BNC2: variants seen among roughly 807,000 people sequenced by gnomAD.
BNC2 encodes the protein zinc finger protein basonuclin-2.
In BNC2, 20 loss-of-function variants were observed where a neutral mutation model predicts 76.3. The ratio of observed to expected loss-of-function variants is 0.26; its 90% confidence interval spans 0.18 to 0.38. BNC2 has a LOEUF of 0.38. Among genes scored for constraint, BNC2 ranks in the 10% least tolerant of loss-of-function variants. The probability of loss-of-function intolerance (pLI) is 1.00; values close to 1 mark genes in which losing one functional copy is unlikely to be tolerated. For missense variants in BNC2, 1,382 were observed against 1,399.8 expected (o/e 0.99, Z 0.20); for synonymous variants, 582 against 514.8 (o/e 1.13, Z -1.77).
At chr9:16,434,901 C>A (rs1206641070) in intron 6 of BNC2, 1 of 465,008 alleles carries the variant, frequency 2.2e-6, no homozygotes, top group African/African-American at 2.0e-5. Flanking sequence ...ATAAAGAAAC[C>A]CACACGACCA....
At chr9:16,618,960 T>C (rs1215203851) in intron 3 of BNC2, among the ~76,000 whole-genome samples, 2 of 152,184 alleles carry the variant, frequency 1.3e-5, no homozygotes, top group African/African-American at 4.8e-5. Flanking sequence ...GGAACAACTT[T>C]AGCTAAGTCA....
intron 5 of BNC2, among the ~76,000 whole-genome samples, chr9:16,510,900 A>G (rs187195201): frequency 3.9e-5 from 6 of 152,290 alleles, no homozygotes; most frequent in Admixed American, 3.3e-4. Context: ...TGGGCAAAAT[A>G]TTACATTTCC....
chr9:16,436,334 G>GCTC lies in BNC2; in HGVS notation c.1859_1860insGAG (p.Thr620_His621insSer). 1 of 1,614,126 alleles carries GCTC rather than the reference G, an allele frequency of 6.2e-7. No individual in the cohort carries two copies. The highest frequency in any genetic ancestry group is 8.5e-7 in the Non-Finnish European group (1 of 1,180,022). ...GTGCCAGGTCAGCACTGGGCTCATG[G>GCTC]GTGGCCATCATCACTGCTGGCACTA... On this transcript the variant is annotated inframe_insertion, in exon 6 of 7. Transcript: ENST00000380672.
At chr9:16,465,981 G>C (rs1453798066) in intron 5 of BNC2, among the ~76,000 whole-genome samples, 1 of 135,310 alleles carries the variant, frequency 7.4e-6, no homozygotes, top group Admixed American at 7.8e-5. Flanking sequence ...CTTCAGCAAA[G>C]TCTCAGGATA....
At chr9:16,727,501 G>T (rs1824374450) in intron 3 of BNC2, 3 of 342,060 alleles carry the variant, frequency 8.8e-6, no homozygotes, top group Admixed American at 8.9e-5. Context: ...AGAAAACAAA[G>T]AAATAAATTA....
intron 5 of BNC2, among the ~76,000 whole-genome samples, chr9:16,517,716 A>G (rs559278640): frequency 5.1e-4 from 77 of 152,298 alleles, no homozygotes; most frequent in Non-Finnish European, 8.2e-4. Flanking sequence ...CAAAAAAATC[A>G]TATCATTCAT....
intron 1 of BNC2, among the ~76,000 whole-genome samples, chr9:16,755,690 A>G (rs1336432761): frequency 2.0e-5 from 3 of 152,228 alleles, no homozygotes; most frequent in African/African-American, 7.2e-5. Flanking sequence ...TTTCCGGGGC[A>G]GTGTCTAATA....
intron 1 of BNC2, among the ~76,000 whole-genome samples, chr9:16,839,839 G>A (rs1379966968): frequency 6.6e-6 from 1 of 151,898 alleles, no homozygotes; most frequent in Non-Finnish European, 1.5e-5. Flanking sequence ...AACCAATGCG[G>A]TGTGGTGCAT....
chr9:16,696,737 T>C (rs1429729628), intron 3 of BNC2, among the ~76,000 whole-genome samples: 1 of 152,168 alleles, frequency 6.6e-6, no homozygotes, highest in South Asian at 2.1e-4. Context: ...ATGTTACAAA[T>C]AGAGTGATTT....
intron 4 of BNC2, among the ~76,000 whole-genome samples, chr9:16,576,161 A>G (rs1819479905): frequency 6.6e-6 from 1 of 152,224 alleles, no homozygotes; most frequent in African/African-American, 2.4e-5. Context: ...CCCCTCTGGA[A>G]AAAAATTTCT....
chr9:16,854,369 G>T (rs12379687), intron 1 of BNC2, among the ~76,000 whole-genome samples: 16,381 of 152,078 alleles, frequency 0.11, 1,146 homozygotes, highest in Non-Finnish European at 0.16. Context: ...ATTTTAGGAT[G>T]GAAAAGAGAC....
chr9:16,662,589 A>T (rs553811027), intron 3 of BNC2, among the ~76,000 whole-genome samples: 1 of 152,298 alleles, frequency 6.6e-6, no homozygotes, highest in African/African-American at 2.4e-5. Context: ...TACAAAAATT[A>T]GCTGAACATG....
At chr9:16,852,652 T>G (rs988016538) in intron 1 of BNC2, among the ~76,000 whole-genome samples, 1 of 152,078 alleles carries the variant, frequency 6.6e-6, no homozygotes, top group Non-Finnish European at 1.5e-5. Context: ...AGCGGCAGTG[T>G]GCTGTGAAGA....
intron 5 of BNC2, among the ~76,000 whole-genome samples, chr9:16,526,457 T>C (rs989204767): frequency 1.4e-5 from 2 of 145,730 alleles, no homozygotes; most frequent in Non-Finnish European, 3.0e-5. Flanking sequence ...CTTCCCAACA[T>C]AGTTTAATGC....
At chr9:16,665,331 C>T (rs141746818) in intron 3 of BNC2, among the ~76,000 whole-genome samples, 1 of 134,962 alleles carries the variant, frequency 7.4e-6, no homozygotes, top group East Asian at 2.3e-4. Flanking sequence ...GACCGTGCCA[C>T]TGTACTCCAG....
chr9:16,527,138 G>A (rs1028493000), intron 5 of BNC2, among the ~76,000 whole-genome samples: 8 of 152,176 alleles, frequency 5.3e-5, no homozygotes, highest in South Asian at 4.1e-4. Context: ...GACAAGGACT[G>A]GGGGGCAGTT....
chr9:16,418,868 T>TTTATGCACACAC lies in BNC2; in HGVS notation c.*120_*121insGTGTGTGCATAA. The TTTATGCACACAC allele has an allele frequency of 1.5e-6, 1 of 672,272 alleles. No individual in the cohort carries two copies. The highest frequency in any genetic ancestry group is 5.7e-5 in the African/African-American group (1 of 17,582). The allele number at this position is 672,272 out of a possible 1,614,324, so 41.6% of individuals were successfully genotyped here. A position where few individuals can be genotyped will look rare whatever the true frequency, so the allele number is the denominator to read the frequency against. On this transcript the variant is annotated 3_prime_UTR_variant, in exon 7 of 7. Transcript: ENST00000380672. ...TGTATATGTAGCCACAGAGCATACATAAATGCACACACACACACACACACA... is the reference window on the plus strand; with the variant it reads ...TGTATATGTAGCCACAGAGCATACATTTATGCACACACAAATGCACACACACACACACACACA...
At chr9:16,680,645 A>C (rs528417331) in intron 3 of BNC2, among the ~76,000 whole-genome samples, 1 of 152,158 alleles carries the variant, frequency 6.6e-6, no homozygotes, top group South Asian at 2.1e-4. Context: ...TGTAAAAGGA[A>C]AACAGACAGG....
At chr9:16,508,340 G>C (rs981988687) in intron 5 of BNC2, among the ~76,000 whole-genome samples, 5 of 152,142 alleles carry the variant, frequency 3.3e-5, no homozygotes, top group African/African-American at 1.2e-4. Flanking sequence ...TAGAATTCTT[G>C]CCACATACTT....
Sources: allele counts gnomAD v4.1 joint callset (sites outside exome capture counted in the v4.1 genomes callset), GRCh38; gene constraint gnomAD v4.1.1; transcripts MANE v1.5; gene names NCBI Gene and HGNC (gene_info 2026-07-23, HGNC 2026-07-21).